Variants in ARHGAP6 observed in about 807,000 individuals in gnomAD.
ARHGAP6 encodes Rho GTPase activating protein 6, also known as rho GTPase-activating protein 6.
Under a neutral mutation model 55.7 loss-of-function variants are expected in ARHGAP6, and 16 were observed. The ratio of observed to expected loss-of-function variants is 0.29; its 90% CI spans 0.19 to 0.44. The LOEUF is 0.44. Ranked by LOEUF, ARHGAP6 falls within the 20% of genes least tolerant of loss-of-function variation. The pLI is 1.00. For missense variants in ARHGAP6, 698 were observed against 808.9 expected (o/e 0.86, Z 1.66); for synonymous variants, 382 against 360.9 (o/e 1.06, Z -0.66).
chrX:11,347,912 A>G (rs889784775), intron 1 of ARHGAP6, among the ~76,000 whole-genome samples: 1 of 112,037 alleles, frequency 8.9e-6, no homozygotes, highest in Non-Finnish European at 1.9e-5. Flanking sequence ...ACTATGACAA[A>G]CTACAGAATG....
chrX:11,486,267 A>G (rs768335903), intron 1 of ARHGAP6, among the ~76,000 whole-genome samples: 3 of 112,283 alleles, frequency 2.7e-5, no homozygotes, highest in Non-Finnish European at 3.8e-5. Flanking sequence ...CCTAAATCAG[A>G]TGTTAAGTAA....
intron 1 of ARHGAP6, among the ~76,000 whole-genome samples, chrX:11,622,873 A>G (rs1481944351): frequency 4.5e-5 from 5 of 111,900 alleles, no homozygotes; most frequent in African/African-American, 1.6e-4. Flanking sequence ...TATATTCAAT[A>G]AAGACCATGG....
chrX:11,218,657 T>G (rs1352976886), intron 2 of ARHGAP6, among the ~76,000 whole-genome samples: 1 of 111,703 alleles, frequency 9.0e-6, no homozygotes, highest in Non-Finnish European at 1.9e-5. Flanking sequence ...ATTGGTCTAT[T>G]CAGGGATTAG....
intron 9 of ARHGAP6, among the ~76,000 whole-genome samples, chrX:11,162,707 T>TATCA (rs1555962365): frequency 9.0e-6 from 1 of 111,347 alleles, no homozygotes; most frequent in African/African-American, 3.3e-5. Context: ...TCTCTCTACT[T>TATCA]ATCAGTGGTA....
chrX:11,562,403 T>C (rs2051393569), intron 1 of ARHGAP6, among the ~76,000 whole-genome samples: 1 of 111,926 alleles, frequency 8.9e-6, no homozygotes, highest in Non-Finnish European at 1.9e-5. Flanking sequence ...TGTTCCTGTA[T>C]AGATTTTTAA....
intron 1 of ARHGAP6, chrX:11,294,633 A>G (rs1372990217): frequency 7.8e-6 from 5 of 640,056 alleles, no homozygotes; most frequent in Non-Finnish European, 1.3e-5. Flanking sequence ...TGGAAATCAC[A>G]TATGACTGAA....
intron 1 of ARHGAP6, among the ~76,000 whole-genome samples, chrX:11,345,477 G>A (rs149321571): frequency 0.029 from 3,240 of 112,133 alleles, 125 homozygotes; most frequent in African/African-American, 0.099. Flanking sequence ...ACTTGTTTTC[G>A]TTTTTCTATA....
At chrX:11,409,324 G>T (rs1163742558) in intron 1 of ARHGAP6, among the ~76,000 whole-genome samples, 1 of 111,869 alleles carries the variant, frequency 8.9e-6, no homozygotes, top group African/African-American at 3.2e-5. Flanking sequence ...ATGGGGTGGG[G>T]GGTTGTCTCT....
Position 11,414,503 on chromosome X carries a change from G to A in ARHGAP6, c.589-159796C>T, listed in dbSNP as rs774315757. 1.5e-4 allele frequency among the ~76,000 whole-genome samples: 16 copies of A among 108,576 alleles called. No homozygotes were observed. In the Admixed American group the frequency reaches 1.5e-3, roughly 10 times the overall value. The allele number at this position is 108,576 out of a possible 115,157, so 94.3% of individuals were successfully genotyped here. A position where few individuals can be genotyped will look rare whatever the true frequency, so the allele number is the denominator to read the frequency against. On this transcript the variant is annotated intron_variant, in intron 1 of 12. Coordinates refer to ENST00000337414, the MANE Select transcript of ARHGAP6 (RefSeq NM_013427.3). The stretch of plus-strand genomic sequence containing the variant: ...CCCCTGATTTAAGAACTGAGCTACC[G>A]TAATATGGCAGACAGTCTACTAGAT...
At chrX:11,517,924 C>A (rs1042652782) in intron 1 of ARHGAP6, among the ~76,000 whole-genome samples, 1 of 109,339 alleles carries the variant, frequency 9.1e-6, no homozygotes, top group Non-Finnish European at 1.9e-5. Context: ...CCATGGCACA[C>A]GTTTACCTAT....
chrX:11,521,834 T>A lies in ARHGAP6; in HGVS notation c.588+142407A>T, dbSNP rs764775781. On this transcript the variant is annotated intron_variant, in intron 1 of 12. Coordinates refer to ENST00000337414, the MANE Select transcript of ARHGAP6 (RefSeq NM_013427.3). ...TTCTTTGTATCCTCTTTTATTTCAT[T>A]GAGCAGTGGTTTGTGGTTCTCCTTG... Among the ~76,000 whole-genome samples the A allele has an allele frequency of 3.6e-5, 4 of 111,397 alleles. No individual in the cohort carries two copies. In the South Asian group the frequency reaches 1.1e-3, roughly 32 times the overall value.
At chrX:11,277,531 T>C (rs867830707) in intron 1 of ARHGAP6, among the ~76,000 whole-genome samples, 2 of 111,499 alleles carry the variant, frequency 1.8e-5, no homozygotes, top group Non-Finnish European at 3.8e-5. Flanking sequence ...TCCATTCACA[T>C]GAGATATCAA....
intron 1 of ARHGAP6, among the ~76,000 whole-genome samples, chrX:11,524,629 G>A (rs758151505): frequency 6.3e-5 from 7 of 111,348 alleles, no homozygotes; most frequent in South Asian, 3.8e-4. Context: ...TTGGGGGACC[G>A]TTCTGTGCAC....
intron 1 of ARHGAP6, among the ~76,000 whole-genome samples, chrX:11,469,201 C>T (rs1376301337): frequency 8.9e-6 from 1 of 112,598 alleles, no homozygotes; most frequent in African/African-American, 3.2e-5. Flanking sequence ...TATGATAATG[C>T]TTTTTAAGAA....
intron 2 of ARHGAP6, among the ~76,000 whole-genome samples, chrX:11,212,802 T>C (rs2046822800): frequency 1.8e-5 from 2 of 111,961 alleles, no homozygotes; most frequent in African/African-American, 6.5e-5. Flanking sequence ...AAAATATATA[T>C]ATATAAAATA....
At chrX:11,344,676 C>T (rs371440162) in intron 1 of ARHGAP6, among the ~76,000 whole-genome samples, 5 of 9,602 alleles carry the variant, frequency 5.2e-4, no homozygotes, top group African/African-American at 2.7e-3. Context: ...GAAACTCCAT[C>T]ACAAAAAAAA....
In ARHGAP6 at chrX:11,560,039, C is replaced by T. The variant is rs760858480; in HGVS notation, c.588+104202G>A. Among the ~76,000 whole-genome samples the T allele has an allele frequency of 2.7e-5, 3 of 109,832 alleles. No homozygotes were observed. The South Asian group carries it at 1.2e-3, about 43-fold the overall frequency. ...TGTTCTTTAAAAGCTAAGAAACATG[C>T]TGATTGCAAGTTCTCCATGCTAAAA... is the stretch of plus-strand genomic sequence containing the variant. On this transcript the variant is annotated intron_variant, in intron 1 of 12. Transcript: ENST00000337414.
chrX:11,344,098 G>C (rs1391287608), intron 1 of ARHGAP6, among the ~76,000 whole-genome samples: 4 of 111,594 alleles, frequency 3.6e-5, no homozygotes, highest in South Asian at 3.8e-4. Flanking sequence ...ATATGGCTTA[G>C]AGTCAGAGGG....
At chrX:11,585,649 G>A (rs1247050464) in intron 1 of ARHGAP6, among the ~76,000 whole-genome samples, 2 of 112,188 alleles carry the variant, frequency 1.8e-5, no homozygotes, top group Non-Finnish European at 3.8e-5. Flanking sequence ...GGAAATTTAA[G>A]TTCCTTATAG....
Sources: gnomAD v4.1 joint callset for allele counts (sites outside exome capture counted in the v4.1 genomes callset) on GRCh38, gnomAD v4.1.1 for gene constraint, MANE v1.5 for transcripts, NCBI Gene and HGNC (gene_info 2026-07-23, HGNC 2026-07-21) for gene names.